Variants in AKT2 observed in about 807,000 individuals in gnomAD.
AKT2 encodes RAC-beta serine/threonine-protein kinase.
A neutral mutation model predicts 58.6 loss-of-function variants in AKT2; 16 were observed. The observed-to-expected ratio is 0.27, with a 90% CI of 0.18 to 0.41. AKT2 has a LOEUF of 0.41. Among genes scored for constraint, AKT2 ranks in the 10% least tolerant of loss-of-function variants. The pLI is 1.00. For missense variants in AKT2, 438 were observed against 661.0 expected, an observed-to-expected ratio of 0.66 and a Z score of 3.70; for synonymous variants, 253 against 254.0, an observed-to-expected ratio of 1.00 and a Z score of 0.04.
At chr19:40,252,104 G>A (rs568131452) in intron 4 of AKT2, among the ~76,000 whole-genome samples, 1 of 152,146 alleles carries the variant, frequency 6.6e-6, no homozygotes, top group Non-Finnish European at 1.5e-5. Flanking sequence ...AGCAGTCACC[G>A]ACTGGCACCC....
Position 40,230,850 on chromosome 19 carries a change from T to C in AKT2, c.*3022A>G, listed in dbSNP as rs1447347773. On this transcript the variant is annotated 3_prime_UTR_variant, in exon 14 of 14. Transcript: ENST00000392038. ...CCCACCTCACCTCAGCCTTCCAAGT[T>C]AGCTGGGATTGCAGGCATGCACCAC... The C allele has an allele frequency of 1.1e-5, 2 of 187,660 alleles. No individual in the cohort carries two copies. The highest frequency in any genetic ancestry group is 2.2e-5 in the Non-Finnish European group (2 of 89,170). 11.6% of individuals were successfully genotyped at this position (187,660 alleles called of 1,614,324 possible).
At chr19:40,258,012 C>T (rs1407276725) in intron 2 of AKT2, among the ~76,000 whole-genome samples, 1 of 151,684 alleles carries the variant, frequency 6.6e-6, no homozygotes, top group Non-Finnish European at 1.5e-5. Flanking sequence ...TTTGGGAGGC[C>T]GAGGCGAGCG....
intron 2 of AKT2, among the ~76,000 whole-genome samples, chr19:40,263,531 A>C (rs1976114663): frequency 6.6e-6 from 1 of 152,212 alleles, no homozygotes. Flanking sequence ...CAGCAGAACC[A>C]GGGTTAGAAC....
chr19:40,240,158 C>T, intron 6 of AKT2, 48 bp from the exon 7 acceptor site: 1 of 1,572,770 alleles, frequency 6.4e-7, no homozygotes, highest in Non-Finnish European at 8.7e-7. Context: ...ACCACACCTG[C>T]CCACTCCGCC....
chr19:40,257,807 C>T (rs1451770242), intron 2 of AKT2, among the ~76,000 whole-genome samples: 1 of 152,168 alleles, frequency 6.6e-6, no homozygotes, highest in Non-Finnish European at 1.5e-5. Context: ...GAAAACTATT[C>T]AGTCATAAAA....
intron 1 of AKT2, among the ~76,000 whole-genome samples, chr19:40,268,194 A>T (rs1976498417): frequency 6.6e-6 from 1 of 152,130 alleles, no homozygotes; most frequent in African/African-American, 2.4e-5. Flanking sequence ...AGTCCAAAGG[A>T]GGGGCTGATG....
At chr19:40,276,329 A>T (rs1358201892) in intron 1 of AKT2, among the ~76,000 whole-genome samples, 1 of 130,264 alleles carries the variant, frequency 7.7e-6, no homozygotes, top group African/African-American at 3.0e-5. Context: ...CAGCTTCCGC[A>T]TCTGTAAAAT....
chr19:40,255,783 G>A (rs543679541), intron 3 of AKT2, among the ~76,000 whole-genome samples: 1 of 152,350 alleles, frequency 6.6e-6, no homozygotes, highest in East Asian at 1.9e-4. Flanking sequence ...CCATGGGAAA[G>A]AATCTGGACT....
rs919752341 is a variant in AKT2, at chr19:40,235,511, G to A, written c.1176-161C>T. 1 of 745,324 alleles carries A rather than the reference G, an allele frequency of 1.3e-6. No homozygotes were observed. The allele number at this position is 745,324 out of a possible 1,614,324, so 46.2% of individuals were successfully genotyped here. Reference sequence around the variant, plus strand: ...CGAGGCTCAGGGAGGGAGCTCACGTGCCCAGGGTCAGAGCCAGGGAGTCAG... The same window carrying A: ...CGAGGCTCAGGGAGGGAGCTCACGTACCCAGGGTCAGAGCCAGGGAGTCAG... On this transcript the variant is annotated intron_variant, in intron 11 of 13. Coordinates refer to ENST00000392038, the MANE Select transcript of AKT2 (RefSeq NM_001626.6). This position sits in a 1 kb window ranked among gnomAD's most constrained non-coding sequence, Gnocchi z 6.3.
rs951403605 is a variant in AKT2, at chr19:40,230,847, A to G, written c.*3025T>C. ...CTTCCCACCTCACCTCAGCCTTCCA[A>G]GTTAGCTGGGATTGCAGGCATGCAC... On this transcript the variant is annotated 3_prime_UTR_variant, in exon 14 of 14. Transcript: ENST00000392038. 3.2e-5 allele frequency: 6 copies of G among 188,274 alleles called. No homozygotes were observed. Among genetic ancestry groups the G allele is most frequent in the Non-Finnish European group, 6.7e-5 (6 of 89,600 alleles). The allele number at this position is 188,274 out of a possible 1,614,324, so 11.7% of individuals were successfully genotyped here. A position where few individuals can be genotyped will look rare whatever the true frequency, so the allele number is the denominator to read the frequency against.
intron 4 of AKT2, among the ~76,000 whole-genome samples, chr19:40,249,843 C>A (rs1975014258): frequency 6.6e-6 from 1 of 152,204 alleles, no homozygotes; most frequent in Non-Finnish European, 1.5e-5. Flanking sequence ...TGGACAGGTG[C>A]TATGAAGAAA....
intron 1 of AKT2, among the ~76,000 whole-genome samples, chr19:40,276,924 G>T (rs1220539562): frequency 6.6e-6 from 1 of 152,182 alleles, no homozygotes; most frequent in African/African-American, 2.4e-5. Context: ...TCAGAAGGCT[G>T]AGGTGGGAGG....
chr19:40,258,255 AAAAAAAAAC>A (rs1975691566), intron 2 of AKT2, among the ~76,000 whole-genome samples: 1 of 150,994 alleles, frequency 6.6e-6, no homozygotes, highest in Non-Finnish European at 1.5e-5. Flanking sequence ...GAAAAAAAAA[AAAAAAAAAC>A]AAAAAAAAAA....
At chr19:40,266,750 G>C (rs1017265805) in intron 1 of AKT2, among the ~76,000 whole-genome samples, 1 of 152,220 alleles carries the variant, frequency 6.6e-6, no homozygotes, top group Non-Finnish European at 1.5e-5. Context: ...TTTGAGACCT[G>C]CCTGGGCAAC....
chr19:40,263,983 T>C, intron 2 of AKT2, among the ~76,000 whole-genome samples: 1 of 152,198 alleles, frequency 6.6e-6, no homozygotes, highest in Non-Finnish European at 1.5e-5. Flanking sequence ...TGCTTGTTTT[T>C]TCTCCATGGC....
At chr19:40,265,438 GGC>G in intron 1 of AKT2, 87 bp from the exon 2 acceptor site, 1 of 1,497,324 alleles carries the variant, frequency 6.7e-7, no homozygotes, top group Non-Finnish European at 8.9e-7. Context: ...GAGGCCCTCT[GGC>G]TGTTCTGCCC....
rs1030410947 is a variant in AKT2, at chr19:40,285,172, C to A, written c.-85+9G>T. 7 of 393,906 alleles carry A rather than the reference C, an allele frequency of 1.8e-5. No individual in the cohort carries two copies. The highest frequency in any genetic ancestry group is 1.2e-4 in the African/African-American group (6 of 48,334). The allele number at this position is 393,906 out of a possible 1,614,324, so 24.4% of individuals were successfully genotyped here. A position where few individuals can be genotyped will look rare whatever the true frequency, so the allele number is the denominator to read the frequency against. On this transcript the variant is annotated intron_variant, in intron 1 of 13. Coordinates refer to ENST00000392038, the MANE Select transcript of AKT2 (RefSeq NM_001626.6). ...GGGGGCGTTCGGGGACACGCGCTGGCGCACTCACCTGTCACCGGCAGCCGC... is the reference window on the plus strand; with the variant it reads ...GGGGGCGTTCGGGGACACGCGCTGGAGCACTCACCTGTCACCGGCAGCCGC...
At chr19:40,246,713 A>G (rs1205065240) in intron 4 of AKT2, among the ~76,000 whole-genome samples, 3 of 152,212 alleles carry the variant, frequency 2.0e-5, no homozygotes, top group African/African-American at 7.2e-5. Context: ...GAGAACCCAA[A>G]TACATGAAGG....
chr19:40,278,931 C>A (rs8111619), intron 1 of AKT2, among the ~76,000 whole-genome samples: 1 of 151,430 alleles, frequency 6.6e-6, no homozygotes, highest in African/African-American at 2.4e-5. Context: ...CAGCTACCCC[C>A]GGGACCAGGT....
Sources: gnomAD v4.1 joint callset for allele counts (sites outside exome capture counted in the v4.1 genomes callset) on GRCh38, gnomAD v4.1.1 for gene constraint, Gnocchi (gnomAD v3.1) non-coding constraint, MANE v1.5 for transcripts, NCBI Gene and HGNC (gene_info 2026-07-23, HGNC 2026-07-21) for gene names.